The following ANKRD33 variants were observed in gnomAD, a reference collection of about 807,000 sequenced individuals.
ANKRD33 encodes the protein ankyrin repeat domain 33.
ANKRD33 carries 20 observed loss-of-function variants against 20.6 expected under a neutral mutation model. That is an observed-to-expected ratio of 0.97 (90% CI 0.68 to 1.41). The LOEUF (loss-of-function observed/expected upper bound fraction) is 1.41. Ranked by LOEUF, ANKRD33 falls within the 40% of genes most tolerant of loss-of-function variation. The pLI is 0.00. For synonymous variants in ANKRD33, 246 were observed against 245.0 expected, an observed-to-expected ratio of 1.00 and a Z score of -0.04; for missense variants, 545 against 579.6, an observed-to-expected ratio of 0.94 and a Z score of 0.61.
At position 51,888,717 on chromosome 12, in the gene ANKRD33, C is replaced by T. The variant is rs762380273; in HGVS notation, c.295C>T (p.Leu99=). 1.9e-5 allele frequency: 30 copies of T among 1,613,856 alleles called. No individual in the cohort carries two copies. The highest frequency in any genetic ancestry group is 2.5e-5 in the Non-Finnish European group (30 of 1,179,952). ...TPTPGCRLGA[L]YWACVHNDPT... is the part of the protein sequence containing the mutation. ...CACCCCAGGCTGCAGGCTGGGGGCC[C>T]TGTATTGGGCCTGTGTCCACAATGA... The change falls in exon 2 of 5, where the codon CTG becomes TTG. Residue 99 remains leucine (L), a synonymous_variant. Coordinates refer to ENST00000301190, the MANE Select transcript of ANKRD33 (RefSeq NM_182608.4).
rs374284575 is a variant in ANKRD33, at chr12:51,891,116, G to A, written c.1170G>A (p.Arg390=). ...LSKCLQWLQP[R]DSTSPRPQVP... ...AGTGCCTTCAGTGGCTACAACCCAG[G>A]GATAGCACCAGCCCCAGGCCCCAAG... The change falls in exon 5 of 5, where the codon AGG becomes AGA. Residue 390 remains arginine (R), a synonymous_variant. Transcript: ENST00000301190. 5 of 1,613,950 alleles carry A rather than the reference G, an allele frequency of 3.1e-6. No homozygotes were observed. In the African/African-American group the frequency reaches 4.0e-5, roughly 13 times the overall value.
In ANKRD33 at chr12:51,891,506, G is replaced by A; in HGVS notation, c.*201G>A. ...AACACCCGAAGTGTCCATCAGTAAG[G>A]GACAGGCTAGATTGATTACGGATGT... On this transcript the variant is annotated 3_prime_UTR_variant, in exon 5 of 5. Coordinates refer to ENST00000301190, the MANE Select transcript of ANKRD33 (RefSeq NM_182608.4). 4 of 852,448 alleles carry A rather than the reference G, an allele frequency of 4.7e-6. No homozygotes were observed. The highest frequency in any genetic ancestry group is 2.7e-5 in the East Asian group (1 of 37,168). 52.8% of individuals were successfully genotyped at this position (852,448 alleles called of 1,614,324 possible).
intron 4 of ANKRD33, 99 bp from the exon 5 acceptor site, chr12:51,890,485 C>T (rs754492801): frequency 2.3e-5 from 35 of 1,536,708 alleles, no homozygotes; most frequent in African/African-American, 2.7e-5. Context: ...TCTATGGCTT[C>T]GAATGTAACC....
intron 4 of ANKRD33, 132 bp downstream of exon 4, chr12:51,889,614 T>G: frequency 7.0e-7 from 1 of 1,436,972 alleles, no homozygotes; most frequent in Non-Finnish European, 9.2e-7. Context: ...AGGAGAGAGG[T>G]GGAGATGGGG....
rs1940394408 is a variant in ANKRD33, at chr12:51,890,719, A to G, written c.773A>G (p.His258Arg). The change falls in exon 5 of 5, where the codon CAC becomes CGC. Residue 258 changes from histidine to arginine, a missense_variant. By Grantham distance (29) the His-to-Arg change is conservative (BLOSUM62 0). Coordinates refer to ENST00000301190, the MANE Select transcript of ANKRD33 (RefSeq NM_182608.4). ...RRPQVEQLSQ[H>R]YKPEWPALSG... ...CCCCAAGTGGAGCAGCTTAGCCAGC[A>G]CTACAAGCCCGAGTGGCCGGCCTTG... The G allele has an allele frequency of 1.2e-6, 2 of 1,603,844 alleles. No homozygotes were observed. The highest frequency in any genetic ancestry group is 1.3e-5 in the African/African-American group (1 of 75,066).
At position 51,889,057 on chromosome 12, in the gene ANKRD33, C is replaced by T. The variant is rs375713507; in HGVS notation, c.397-10C>T. 1 of 1,614,074 alleles carries T rather than the reference C, an allele frequency of 6.2e-7. No individual in the cohort carries two copies. The highest frequency in any genetic ancestry group is 8.5e-7 in the Non-Finnish European group (1 of 1,179,978). On this transcript the variant is annotated splice_polypyrimidine_tract_variant and intron_variant, in intron 2 of 4. Coordinates refer to ENST00000301190, the MANE Select transcript of ANKRD33 (RefSeq NM_182608.4). The stretch of plus-strand genomic sequence containing the variant: ...GGGAAAGCAGGGGATCTGAGCTGCC[C>T]CTCCCTCAGACAGGCCTCATGGTCG...
rs200899963 is a variant in ANKRD33 at position 51,888,703 on chromosome 12, G to T, written c.281G>T (p.Cys94Phe). Residue 94 changes from cysteine to phenylalanine, a missense_variant, in exon 2 of 5, where the codon TGC (cysteine) becomes TTC (phenylalanine). Transcript: ENST00000301190. ...GGCAAGGAGACCCCCACCCCAGGCT[G>T]CAGGCTGGGGGCCCTGTATTGGGCC... is the stretch of plus-strand genomic sequence containing the variant. The part of the protein sequence containing the change: ...CPGKETPTPG[C>F]RLGALYWACV... The T allele has an allele frequency of 1.9e-6, 3 of 1,613,670 alleles. No individual in the cohort carries two copies. The Admixed American group carries it at 5.0e-5, about 27-fold the overall frequency.
At position 51,889,030 on chromosome 12, in the gene ANKRD33, G is replaced by A. The variant is rs1481367136; in HGVS notation, c.397-37G>A. On this transcript the variant is annotated intron_variant, in intron 2 of 4. Coordinates refer to ENST00000301190, the MANE Select transcript of ANKRD33 (RefSeq NM_182608.4). ...GTGCAAGGGGCCCTGGAGTGGCCCA[G>A]GGGGAAAGCAGGGGATCTGAGCTGC... The A allele has an allele frequency of 3.7e-6, 6 of 1,613,426 alleles. No homozygotes were observed. The African/African-American group carries it at 4.0e-5, about 11-fold the overall frequency.
intron 4 of ANKRD33, 194 bp downstream of exon 4, chr12:51,889,676 T>C (rs1277627934): frequency 9.4e-7 from 1 of 1,069,146 alleles, no homozygotes; most frequent in Non-Finnish European, 1.3e-6. Context: ...TTGGGCTTCG[T>C]ACAATCAACC....
At chr12:51,889,558 C>G in intron 4 of ANKRD33, 76 bp downstream of exon 4, 2 of 1,550,710 alleles carry the variant, frequency 1.3e-6, no homozygotes, top group Non-Finnish European at 1.7e-6. Flanking sequence ...GTCCCTCCTC[C>G]AAGCCTTCCC....
rs1165456242 is a variant in ANKRD33 at position 51,891,483 on chromosome 12, C to T, written c.*178C>T. ...GTTTGCAAGAGTGAAAGAGTGGAAA[C>T]ACCCGAAGTGTCCATCAGTAAGGGA... On this transcript the variant is annotated 3_prime_UTR_variant, in exon 5 of 5. Coordinates refer to ENST00000301190, the MANE Select transcript of ANKRD33 (RefSeq NM_182608.4). 6 of 1,122,244 alleles carry T rather than the reference C, an allele frequency of 5.3e-6. No individual in the cohort carries two copies. The highest frequency in any genetic ancestry group is 7.4e-6 in the Non-Finnish European group (6 of 815,308). 69.5% of individuals were successfully genotyped at this position (1,122,244 alleles called of 1,614,324 possible).
In ANKRD33 at chr12:51,890,680, A is replaced by G. The variant is rs763870650; in HGVS notation, c.734A>G (p.Gln245Arg). The G allele has an allele frequency of 6.2e-7, 1 of 1,605,478 alleles. No individual in the cohort carries two copies. The highest frequency in any genetic ancestry group is 1.1e-5 in the South Asian group (1 of 91,092). Residue 245 changes from glutamine to arginine, a missense_variant, in exon 5 of 5, where the codon CAG (glutamine) becomes CGG (arginine). Physicochemically the swap from Gln to Arg is conservative, Grantham distance 43 (BLOSUM62 1). Coordinates refer to ENST00000301190, the MANE Select transcript of ANKRD33 (RefSeq NM_182608.4). ...DSFDTVWRIR[Q>R]LLRRPQVEQL... is the part of the protein sequence containing the mutation. ...TTCGACACCGTGTGGAGGATTCGGC[A>G]GCTGCTGAGGCGGCCCCAAGTGGAG...
chr12:51,890,392 C>T (rs1415367959), intron 4 of ANKRD33, 192 bp from the exon 5 acceptor site: 2 of 1,408,932 alleles, frequency 1.4e-6, no homozygotes, highest in African/African-American at 2.8e-5. Context: ...CTTTTCCCCT[C>T]TCTGGACCTA....
Position 51,889,426 on chromosome 12 carries a change from A to C in ANKRD33, c.581A>C (p.Glu194Ala). Residue 194 changes from glutamate (E) to alanine (A), a missense_variant, in exon 4 of 5, where the codon GAA becomes GCA. Glu to Ala is a moderately radical substitution (Grantham distance 107). Transcript: ENST00000301190. Reference sequence around the variant, plus strand: ...AACTACTATGTGGGCCTGGACCTGGAACGCCGGGACCAGCGGGGGCTCACG... The same window carrying C: ...AACTACTATGTGGGCCTGGACCTGGCACGCCGGGACCAGCGGGGGCTCACG... ...LLNYYVGLDL[E>A]RRDQRGLTAL... The C allele has an allele frequency of 6.2e-7, 1 of 1,614,018 alleles. No individual in the cohort carries two copies. The highest frequency in any genetic ancestry group is 8.5e-7 in the Non-Finnish European group (1 of 1,179,988).
Position 51,890,926 on chromosome 12 carries a change from T to C in ANKRD33, c.980T>C (p.Leu327Pro). 2 of 1,613,640 alleles carry C rather than the reference T, an allele frequency of 1.2e-6. No homozygotes were observed. The highest frequency in any genetic ancestry group is 1.7e-6 in the Non-Finnish European group (2 of 1,180,016). ...TTCGTCACCACTGCCTGCCACACTC[T>C]GTGCCCTGACCATCCACCTTCGCTG... ...SPFVTTACHT[L>P]CPDHPPSLGT... is the part of the protein sequence containing the mutation. Residue 327 changes from leucine to proline, a missense_variant, in exon 5 of 5, where the codon CTG (leucine) becomes CCG (proline). Leu to Pro is a moderately conservative substitution (Grantham distance 98). Transcript: ENST00000301190.
intron 4 of ANKRD33, 129 bp downstream of exon 4, chr12:51,889,611 A>G: frequency 6.9e-7 from 1 of 1,448,144 alleles, no homozygotes. Context: ...GAAAGGAGAG[A>G]GGTGGAGATG....
chr12:51,889,704 G>A, intron 4 of ANKRD33: 1 of 839,898 alleles, frequency 1.2e-6, no homozygotes, highest in Non-Finnish European at 1.8e-6. Flanking sequence ...GCTATTGATA[G>A]CTCAGACATT....
intron 4 of ANKRD33, 96 bp downstream of exon 4, chr12:51,889,578 T>G (rs550781822): frequency 9.9e-5 from 150 of 1,510,294 alleles, no homozygotes; most frequent in Middle Eastern, 2.3e-4. Context: ...CACCAGACAC[T>G]AAGTCAGCTG....
At chr12:51,889,545 C>T in intron 4 of ANKRD33, 63 bp downstream of exon 4, 1 of 1,579,356 alleles carries the variant, frequency 6.3e-7, no homozygotes, top group Non-Finnish European at 8.6e-7. Context: ...TGTGTGGCCT[C>T]CAGTCCCTCC....
Sources: allele counts gnomAD v4.1 joint callset, GRCh38; gene constraint gnomAD v4.1.1; transcripts MANE v1.5; gene names NCBI Gene and HGNC (gene_info 2026-07-23, HGNC 2026-07-21).